Variants in NMU observed in about 807,000 individuals in gnomAD.
NMU encodes neuromedin U, also known as neuromedin-U.
Under a neutral mutation model 35.4 loss-of-function variants are expected in NMU, and 29 were observed. The observed-to-expected ratio is 0.82, with a 90% CI of 0.61 to 1.12. The LOEUF (loss-of-function observed/expected upper bound fraction) is 1.12. Among genes scored for constraint, NMU ranks in the 50% most tolerant of loss-of-function variants. The pLI is 0.00. For synonymous variants in NMU, 78 were observed against 81.3 expected (o/e 0.96, Z 0.22); for missense variants, 199 against 206.2 (o/e 0.97, Z 0.21).
intron 2 of NMU, among the ~76,000 whole-genome samples, chr4:55,629,857 A>G (rs1181436774): frequency 6.6e-6 from 1 of 152,118 alleles, no homozygotes; most frequent in Admixed American, 6.6e-5. Flanking sequence ...GTTGTTAAAT[A>G]AATTTTAAGG....
At chr4:55,626,811 CATGA>C (rs1734549712) in intron 2 of NMU, among the ~76,000 whole-genome samples, 1 of 152,226 alleles carries the variant, frequency 6.6e-6, no homozygotes, top group African/African-American at 2.4e-5. Context: ...TAATTTAATT[CATGA>C]ATGTTTTTGG....
chr4:55,636,440 C>A, upstream of NMU: 1 of 491,454 alleles, frequency 2.0e-6, no homozygotes, highest in South Asian at 4.2e-5. This position sits in a 1 kb window ranked among gnomAD's most constrained non-coding sequence, Gnocchi z 4.0. Flanking sequence ...GCGCCCCACC[C>A]TGCAGCAGGA....
chr4:55,609,974 T>C lies in NMU; in HGVS notation c.220-795A>G, dbSNP rs141235447. On this transcript the variant is annotated intron_variant, in intron 3 of 9. Coordinates refer to ENST00000264218, the MANE Select transcript of NMU (RefSeq NM_006681.4). ...GCTATGGAGTTGGGAAGCCTGTAACTCTATCGCAGTGCAAATTCCATTTCT... is the reference window on the plus strand; with the variant it reads ...GCTATGGAGTTGGGAAGCCTGTAACCCTATCGCAGTGCAAATTCCATTTCT... 9.4e-4 allele frequency among the ~76,000 whole-genome samples: 143 copies of C among 152,316 alleles called. 1 individual carries two copies. The highest frequency in any genetic ancestry group is 3.3e-3 in the African/African-American group (136 of 41,558).
At chr4:55,595,563 T>TATATACAC (rs755203914) in intron 9 of NMU, among the ~76,000 whole-genome samples, 152 bp from the exon 10 acceptor site, 114 of 120,038 alleles carry the variant, frequency 9.5e-4, no homozygotes, top group South Asian at 2.9e-3. Flanking sequence ...TATATATATA[T>TATATACAC]ACACACACAC....
At chr4:55,605,630 GC>G (rs1341019132) in intron 6 of NMU, among the ~76,000 whole-genome samples, 1 of 152,308 alleles carries the variant, frequency 6.6e-6, no homozygotes, top group East Asian at 1.9e-4. Flanking sequence ...TGAACTGTCA[GC>G]AAGTAAAACC....
At chr4:55,602,056 A>T (rs1415091713) in intron 7 of NMU, among the ~76,000 whole-genome samples, 4 of 152,100 alleles carry the variant, frequency 2.6e-5, no homozygotes, top group African/African-American at 9.7e-5. Flanking sequence ...AAAGAGAAAA[A>T]ACTAAAAGGC....
At chr4:55,607,166 C>A in intron 6 of NMU, 132 bp downstream of exon 6, 2 of 637,846 alleles carry the variant, frequency 3.1e-6, no homozygotes, top group South Asian at 1.9e-5. Flanking sequence ...TATTGAATTT[C>A]ATTCCTTTAC....
At position 55,636,084 on chromosome 4, in the gene NMU, G is replaced by T. The variant is rs764064707; in HGVS notation, c.109C>A (p.Arg37=). The change falls in exon 1 of 10, where the codon CGA becomes AGA. Residue 37 remains arginine, a synonymous_variant. Transcript: ENST00000264218. The surrounding 1 kb of genome is among the most constrained non-coding windows in gnomAD (Gnocchi z 4.0). ...LLLAWCAGAC[R]GAPILPQGLQ... ...GCCGGGTGCGGGGCCGTCTTACCTC[G>T]GCAGGCGCCCGCGCACCAGGCGAGC... is the stretch of plus-strand genomic sequence containing the variant. The T allele has an allele frequency of 6.5e-6, 10 of 1,531,210 alleles. No homozygotes were observed. The South Asian group carries it at 1.1e-4, about 16-fold the overall frequency. The allele number at this position is 1,531,210 out of a possible 1,614,324, so 94.9% of individuals were successfully genotyped here.
chr4:55,626,533 T>A (rs940940592), intron 2 of NMU, among the ~76,000 whole-genome samples: 1 of 152,146 alleles, frequency 6.6e-6, no homozygotes, highest in African/African-American at 2.4e-5. Context: ...GGCAAGACCC[T>A]GTCTCCACTT....
chr4:55,616,283 T>A lies in NMU; in HGVS notation c.219+55A>T, dbSNP rs372683119. ...AGGTTCCAAAGGCAGCAATGGAGAGTTTAAGCACTACACAAACACCTACAT... is the reference window on the plus strand; with the variant it reads ...AGGTTCCAAAGGCAGCAATGGAGAGATTAAGCACTACACAAACACCTACAT... On this transcript the variant is annotated intron_variant, in intron 3 of 9. Transcript: ENST00000264218. 1.9e-5 allele frequency: 24 copies of A among 1,281,336 alleles called. No homozygotes were observed. In the African/African-American group the frequency reaches 2.9e-4, roughly 16 times the overall value. The allele number at this position is 1,281,336 out of a possible 1,614,324, so 79.4% of individuals were successfully genotyped here.
intron 2 of NMU, among the ~76,000 whole-genome samples, chr4:55,617,177 G>A (rs1189361324): frequency 1.3e-5 from 2 of 152,070 alleles, no homozygotes; most frequent in African/African-American, 4.8e-5. Flanking sequence ...CATCTCAGAG[G>A]CCAGTTTCAG....
rs1160719428 is a variant in NMU, at chr4:55,636,204, C to A, written c.-12G>T. On this transcript the variant is annotated 5_prime_UTR_variant, in exon 1 of 10. Coordinates refer to ENST00000264218, the MANE Select transcript of NMU (RefSeq NM_006681.4). This position sits in a 1 kb window ranked among gnomAD's most constrained non-coding sequence, Gnocchi z 4.0. ...TCTGTTCGCAGCATCTCGGCGGCTG[C>A]GGGAGGCTCGGTGCTAGGGACGCTG... The A allele has an allele frequency of 6.8e-7, 1 of 1,478,044 alleles. No homozygotes were observed. The highest frequency in any genetic ancestry group is 1.4e-5 in the South Asian group (1 of 73,530). 91.6% of individuals were successfully genotyped at this position (1,478,044 alleles called of 1,614,324 possible).
At chr4:55,607,870 C>G (rs932248698) in intron 4 of NMU, among the ~76,000 whole-genome samples, 1 of 152,040 alleles carries the variant, frequency 6.6e-6, no homozygotes, top group African/African-American at 2.4e-5. Context: ...GTTTTGATGT[C>G]TTCCATAAAA....
chr4:55,633,934 CTTTA>C (rs1178978558), intron 1 of NMU, among the ~76,000 whole-genome samples: 2 of 152,296 alleles, frequency 1.3e-5, no homozygotes, highest in Non-Finnish European at 2.9e-5. Flanking sequence ...AAGTTTCCTT[CTTTA>C]TTTTACTAGT....
At chr4:55,605,575 C>G (rs1389803755) in intron 6 of NMU, among the ~76,000 whole-genome samples, 1 of 152,126 alleles carries the variant, frequency 6.6e-6, no homozygotes, top group Non-Finnish European at 1.5e-5. Context: ...GATTTTTATC[C>G]TCATATTGAG....
chr4:55,598,960 C>G (rs540963305), intron 9 of NMU, among the ~76,000 whole-genome samples, 182 bp downstream of exon 9: 1 of 152,150 alleles, frequency 6.6e-6, no homozygotes, highest in South Asian at 2.1e-4. Context: ...AAAGCCCTTA[C>G]AGCTCCTATC....
At chr4:55,616,204 C>T in intron 3 of NMU, 134 bp downstream of exon 3, 1 of 710,842 alleles carries the variant, frequency 1.4e-6, no homozygotes, top group Non-Finnish European at 2.6e-6. Context: ...TGATTATTAT[C>T]TACAGCAAAT....
At chr4:55,599,564 G>A (rs1733342908) in intron 8 of NMU, among the ~76,000 whole-genome samples, 1 of 152,120 alleles carries the variant, frequency 6.6e-6, no homozygotes, top group Admixed American at 6.5e-5. Flanking sequence ...CCTGCTATCA[G>A]TCCAATTCCT....
At chr4:55,611,973 T>C (rs1184856514) in intron 3 of NMU, among the ~76,000 whole-genome samples, 1 of 152,216 alleles carries the variant, frequency 6.6e-6, no homozygotes, top group Non-Finnish European at 1.5e-5. Flanking sequence ...ATACCACACA[T>C]GGCTAGGAGT....
Sources: allele counts gnomAD v4.1 joint callset (sites outside exome capture counted in the v4.1 genomes callset), GRCh38; gene constraint gnomAD v4.1.1; non-coding constraint Gnocchi (gnomAD v3.1); transcripts MANE v1.5; gene names NCBI Gene and HGNC (gene_info 2026-07-23, HGNC 2026-07-21).